The following CELSR1 variants were observed in gnomAD, a reference collection of about 807,000 sequenced individuals.
The protein encoded by CELSR1 is adhesion G protein-coupled receptor C1.
Under a neutral mutation model 249.1 loss-of-function variants are expected in CELSR1, and 110 were observed. The ratio of observed to expected loss-of-function variants is 0.44; its 90% confidence interval spans 0.38 to 0.52. CELSR1 has a LOEUF of 0.52. Ranked by LOEUF, CELSR1 falls within the 20% of genes least tolerant of loss-of-function variation. CELSR1 has a pLI of 0.00. For synonymous variants in CELSR1, 2,113 were observed against 1,900.0 expected, an observed-to-expected ratio of 1.11 and a Z score of -2.92; for missense variants, 4,109 against 4,296.4, an observed-to-expected ratio of 0.96 and a Z score of 1.22.
rs7288959 is a variant in CELSR1, at chr22:46,409,584, G to A, written c.5059+171C>T. 0.04 allele frequency among the ~76,000 whole-genome samples: 6,110 copies of A among 152,184 alleles called. 404 individuals carry two copies. Among genetic ancestry groups the A allele is most frequent in the African/African-American group, 0.14 (5,773 of 41,490 alleles). ...CCAGAAGCAGGAGCAGGGGCTCTGC[G>A]GAGGACAGTCTCTTGGAGAGGGCGG... On this transcript the variant is annotated intron_variant, in intron 8 of 34. Coordinates refer to ENST00000674500, the MANE Select transcript of CELSR1 (RefSeq NM_001378328.1). The surrounding 1 kb of genome is among the most constrained non-coding windows in gnomAD (Gnocchi z 9.8).
chr22:46,456,321 G>A (rs934124193), intron 2 of CELSR1, among the ~76,000 whole-genome samples: 7 of 152,194 alleles, frequency 4.6e-5, no homozygotes, highest in Non-Finnish European at 7.3e-5. Context: ...GGATGAGTGC[G>A]TCAGCAGATC....
At chr22:46,392,974 C>T (rs925136164) in intron 14 of CELSR1, among the ~76,000 whole-genome samples, 1 of 152,202 alleles carries the variant, frequency 6.6e-6, no homozygotes, top group Non-Finnish European at 1.5e-5. Context: ...TGTGGACCGA[C>T]CCTGACCCAG....
rs918637853 is a variant in CELSR1, at chr22:46,437,021, T to A, written c.4407-732A>T. 2.0e-5 allele frequency among the ~76,000 whole-genome samples: 3 copies of A among 152,230 alleles called. No homozygotes were observed. Among genetic ancestry groups the A allele is most frequent in the African/African-American group, 4.8e-5 (2 of 41,464 alleles). The stretch of plus-strand genomic sequence containing the variant: ...GGGAGGAACCGCAGCTCTCATTCCC[T>A]GCTGCATTCCAGAACCCAAAGAAGA... On this transcript the variant is annotated intron_variant, in intron 3 of 34. Coordinates refer to ENST00000674500, the MANE Select transcript of CELSR1 (RefSeq NM_001378328.1). This position sits in a 1 kb window ranked among gnomAD's most constrained non-coding sequence, Gnocchi z 4.9.
chr22:46,443,815 C>T lies in CELSR1; in HGVS notation c.4184-4404G>A, dbSNP rs115291354. ...GGCCTTTGTAAATCCCGTGCGTTCACGGGAGGTGTGACGCTTAAGGTATAT... is the reference window on the plus strand; with the variant it reads ...GGCCTTTGTAAATCCCGTGCGTTCATGGGAGGTGTGACGCTTAAGGTATAT... On this transcript the variant is annotated intron_variant, in intron 2 of 34. Coordinates refer to ENST00000674500, the MANE Select transcript of CELSR1 (RefSeq NM_001378328.1). Among the ~76,000 whole-genome samples the T allele has an allele frequency of 5.4e-3, 818 of 152,342 alleles. 8 individuals are homozygous for T. Among genetic ancestry groups the T allele is most frequent in the African/African-American group, 0.019 (775 of 41,588 alleles).
chr22:46,536,421 G>C lies in CELSR1; in HGVS notation c.750C>G (p.Tyr250Ter), dbSNP rs201096370. 23 of 1,612,274 alleles carry C rather than the reference G, an allele frequency of 1.4e-5. No individual in the cohort carries two copies. The highest frequency in any genetic ancestry group is 3.4e-6 in the Non-Finnish European group (4 of 1,179,690). The change falls in exon 1 of 35, where the codon TAC becomes TAG. Residue 250 changes from tyrosine (Y) to a stop codon, truncating the protein, a stop_gained. Transcript: ENST00000674500. LOFTEE classifies it high-confidence loss of function. ...GTTCGTTCTCAAACAACGCCACCTG[G>C]TAGTTGGGCATCGGAAACTTCAGGC... ...RGSLKFPMPN[Y>*]QVALFENEPA...
chr22:46,478,257 C>A (rs550372349), intron 1 of CELSR1, among the ~76,000 whole-genome samples: 26 of 152,304 alleles, frequency 1.7e-4, no homozygotes, highest in African/African-American at 6.0e-4. Flanking sequence ...GAGATTGACA[C>A]GGGCTGGGCC....
At position 46,466,015 on chromosome 22, in the gene CELSR1, C is replaced by T. The variant is rs572778044; in HGVS notation, c.3545-1670G>A. The stretch of plus-strand genomic sequence containing the variant: ...TTGTACAACCTCGGTGTGGGGAGGG[C>T]GCCTCTGGCTCTGGCATAAACCCAG... On this transcript the variant is annotated intron_variant, in intron 1 of 34. Transcript: ENST00000674500. Among the ~76,000 whole-genome samples the T allele has an allele frequency of 5.4e-4, 82 of 152,270 alleles. No homozygotes were observed. The South Asian group carries it at 0.016, about 29-fold the overall frequency.
chr22:46,501,392 G>T (rs1251945875), intron 1 of CELSR1, among the ~76,000 whole-genome samples: 4 of 151,964 alleles, frequency 2.6e-5, no homozygotes, highest in Admixed American at 6.6e-5. Context: ...TTTTAGTAGA[G>T]ACGAGGTTTC....
At chr22:46,435,279 ATTTTTTTTT>A (rs887443508) in intron 4 of CELSR1, among the ~76,000 whole-genome samples, 1 of 108,370 alleles carries the variant, frequency 9.2e-6, no homozygotes, top group Non-Finnish European at 1.8e-5. Flanking sequence ...AAAAAAAAAA[ATTTTTTTTT>A]TTTTTTTTTT....
chr22:46,533,268 G>A (rs920519650), intron 1 of CELSR1, among the ~76,000 whole-genome samples: 2 of 152,172 alleles, frequency 1.3e-5, no homozygotes, highest in Non-Finnish European at 2.9e-5. Context: ...GCTGGCTGAC[G>A]AAAGAGCATC....
chr22:46,480,737 G>C (rs1003415305), intron 1 of CELSR1, among the ~76,000 whole-genome samples: 2 of 152,180 alleles, frequency 1.3e-5, no homozygotes, highest in African/African-American at 4.8e-5. Flanking sequence ...TTACAGGGGA[G>C]ATCCTTACTG....
intron 2 of CELSR1, among the ~76,000 whole-genome samples, chr22:46,456,519 C>G (rs2079952428): frequency 6.6e-6 from 1 of 151,986 alleles, no homozygotes; most frequent in Non-Finnish European, 1.5e-5. Context: ...AAAAGTTAGC[C>G]AGGCGTGGTG....
Position 46,533,805 on chromosome 22 carries a change from G to C in CELSR1, c.3366C>G (p.Gly1122=), listed in dbSNP as rs111652796. The C allele has an allele frequency of 2.4e-3, 3,873 of 1,613,800 alleles. 70 individuals are homozygous for C. The African/African-American group carries it at 0.039, about 16-fold the overall frequency. ...CATGGGCCGGGATGCAGCCGATCAC[G>C]CCGGTGGGGAAACTGTTGGACTTGT... ...VTNKSNSFPT[G]VIGCIPAHDP... The change falls in exon 1 of 35, where the codon GGC becomes GGG. Residue 1122 remains glycine, a synonymous_variant. Coordinates refer to ENST00000674500, the MANE Select transcript of CELSR1 (RefSeq NM_001378328.1).
At chr22:46,456,661 T>TAAA (rs556357746) in intron 2 of CELSR1, among the ~76,000 whole-genome samples, 12 of 60,276 alleles carry the variant, frequency 2.0e-4, no homozygotes, top group East Asian at 1.7e-3. Flanking sequence ...AGACTCTGTC[T>TAAA]AAAAAAAAAA....
intron 25 of CELSR1, 26 bp downstream of exon 25, chr22:46,372,857 T>C (rs376624919): frequency 8.9e-6 from 14 of 1,577,888 alleles, no homozygotes; most frequent in African/African-American, 6.7e-5. Flanking sequence ...TGTGGTTTTA[T>C]GCAGGGCCAC....
At position 46,362,922 on chromosome 22, in the gene CELSR1, G is replaced by T; in HGVS notation, c.*301C>A. 1 of 512,194 alleles carries T rather than the reference G, an allele frequency of 2.0e-6. No individual in the cohort carries two copies. Among genetic ancestry groups the T allele is most frequent in the African/African-American group, 1.9e-5 (1 of 52,264 alleles). 31.7% of individuals were successfully genotyped at this position (512,194 alleles called of 1,614,324 possible). On this transcript the variant is annotated 3_prime_UTR_variant, in exon 35 of 35. Transcript: ENST00000674500. ...TCCCCTCTCAGTTCTGGCTTTGACT[G>T]CAGTCTTAGGACTCAGCGGTGCTGG...
Position 46,363,980 on chromosome 22 carries a change from G to A in CELSR1, c.9035+16C>T, listed in dbSNP as rs2078735199. The A allele has an allele frequency of 1.9e-6, 3 of 1,580,408 alleles. No homozygotes were observed. The East Asian group carries it at 6.9e-5, about 36-fold the overall frequency. ...GGAAGTGGGTGATCCCCGCCCTGGAGGCCCAGGCTACTCACTCAGAGTCGG... is the reference window on the plus strand; with the variant it reads ...GGAAGTGGGTGATCCCCGCCCTGGAAGCCCAGGCTACTCACTCAGAGTCGG... On this transcript the variant is annotated intron_variant, in intron 34 of 34. Transcript: ENST00000674500. The surrounding 1 kb of genome is among the most constrained non-coding windows in gnomAD (Gnocchi z 4.3).
intron 1 of CELSR1, among the ~76,000 whole-genome samples, chr22:46,480,022 G>T (rs2080250921): frequency 6.6e-6 from 1 of 152,090 alleles, no homozygotes. Context: ...CAAAAACCAG[G>T]TTTTTCCAAA....
Position 46,380,900 on chromosome 22 carries a change from C to G in CELSR1, c.7144G>C (p.Glu2382Gln), listed in dbSNP as rs764728994. Reference sequence around the variant, plus strand: ...AGGGGTCTCGGGAGCGGAGCCCCCTCGCTGTACACCAGCGTGCTCACCATC... The same window carrying G: ...AGGGGTCTCGGGAGCGGAGCCCCCTGGCTGTACACCAGCGTGCTCACCATC... ...TPMVSTLVYS[E>Q]GAPLPRPLER... The change falls in exon 22 of 35, where the codon GAG becomes CAG. Residue 2382 changes from glutamate to glutamine, a missense_variant. Transcript: ENST00000674500. The surrounding 1 kb of genome is among the most constrained non-coding windows in gnomAD (Gnocchi z 5.1). 2 of 1,613,524 alleles carry G rather than the reference C, an allele frequency of 1.2e-6. No individual in the cohort carries two copies. Among genetic ancestry groups the G allele is most frequent in the East Asian group, 2.2e-5 (1 of 44,880 alleles).
Sources: gnomAD v4.1 joint callset for allele counts (sites outside exome capture counted in the v4.1 genomes callset) on GRCh38, gnomAD v4.1.1 for gene constraint, Gnocchi (gnomAD v3.1) non-coding constraint, MANE v1.5 for transcripts, NCBI Gene and HGNC (gene_info 2026-07-23, HGNC 2026-07-21) for gene names.